Variants in ABCA12 observed in about 807,000 individuals in gnomAD.
The protein encoded by ABCA12 is ATP binding cassette subfamily A member 12.
A neutral mutation model predicts 293.5 loss-of-function variants in ABCA12; 156 were observed. That is an observed-to-expected ratio of 0.53 (90% CI 0.47 to 0.61). ABCA12 has a LOEUF of 0.61. Among genes scored for constraint, ABCA12 ranks in the 20% least tolerant of loss-of-function variants. The pLI is 0.00. For synonymous variants in ABCA12, 1,063 were observed against 1,108.0 expected (o/e 0.96, Z 0.81); for missense variants, 2,797 against 3,090.2 (o/e 0.91, Z 2.25).
At position 215,138,287 on chromosome 2, in the gene ABCA12, G is replaced by T; in HGVS notation, c.-79C>A. 1 of 1,474,694 alleles carries T rather than the reference G, an allele frequency of 6.8e-7. No homozygotes were observed. The highest frequency in any genetic ancestry group is 9.5e-7 in the Non-Finnish European group (1 of 1,053,396). The allele number at this position is 1,474,694 out of a possible 1,614,324, so 91.4% of individuals were successfully genotyped here. On this transcript the variant is annotated 5_prime_UTR_variant, in exon 1 of 53. Coordinates refer to ENST00000272895, the MANE Select transcript of ABCA12 (RefSeq NM_173076.3). ...GAAGAACTGATGCCCCGTCCAACTT[G>T]CTGTATGTCAGTGTATCAGTACCCC...
At chr2:214,943,096 G>T in intron 49 of ABCA12, 79 bp from the exon 50 acceptor site, 2 of 1,051,918 alleles carry the variant, frequency 1.9e-6, no homozygotes, top group Non-Finnish European at 2.9e-6. Context: ...AAGCATAATT[G>T]TTTCATTATG....
chr2:215,065,298 A>T (rs866115021), intron 2 of ABCA12, among the ~76,000 whole-genome samples: 84 of 4,042 alleles, frequency 0.021, no homozygotes, highest in Middle Eastern at 0.33. Flanking sequence ...ATGAATGTGT[A>T]AAAAAAAAAA....
chr2:215,066,485 G>A (rs746390146), intron 2 of ABCA12, among the ~76,000 whole-genome samples: 6 of 151,980 alleles, frequency 3.9e-5, no homozygotes, highest in Admixed American at 2.6e-4. Context: ...AAGAGCTTTC[G>A]GTGACATCCA....
chr2:214,947,271 A>T, intron 48 of ABCA12, 151 bp downstream of exon 48: 1 of 1,029,226 alleles, frequency 9.7e-7, no homozygotes, highest in Non-Finnish European at 1.5e-6. Flanking sequence ...CTTTATTGAG[A>T]TAGTATACAT....
intron 37 of ABCA12, 103 bp from the exon 38 acceptor site, chr2:214,968,910 A>T: frequency 1.1e-6 from 1 of 924,178 alleles, no homozygotes; most frequent in Non-Finnish European, 1.8e-6. Flanking sequence ...TTCTGTTAGG[A>T]ACACATTTAC....
intron 30 of ABCA12, 27 bp from the exon 31 acceptor site, chr2:214,980,670 G>A: frequency 6.2e-7 from 1 of 1,613,762 alleles, no homozygotes; most frequent in Non-Finnish European, 8.5e-7. Context: ...AGAACAACAG[G>A]GAATGAAACG....
At chr2:214,962,872 G>A (rs1352771407) in intron 39 of ABCA12, 1 of 152,096 alleles carries the variant, frequency 6.6e-6, no homozygotes, top group Admixed American at 6.5e-5. Context: ...TGAAACTAAT[G>A]AGAAAAAGAG....
chr2:214,960,081 C>A (rs1699072216), intron 39 of ABCA12, among the ~76,000 whole-genome samples: 1 of 152,074 alleles, frequency 6.6e-6, no homozygotes, highest in African/African-American at 2.4e-5. Context: ...ATTCTAAAGG[C>A]AGATTTTCTC....
intron 2 of ABCA12, among the ~76,000 whole-genome samples, chr2:215,088,160 T>C (rs1702077175): frequency 6.6e-6 from 1 of 152,190 alleles, no homozygotes; most frequent in South Asian, 2.1e-4. Flanking sequence ...GCAGAGAAAA[T>C]GGCATGTACA....
intron 9 of ABCA12, among the ~76,000 whole-genome samples, chr2:215,027,298 A>G (rs1700770626): frequency 6.6e-6 from 1 of 152,094 alleles, no homozygotes; most frequent in Non-Finnish European, 1.5e-5. Flanking sequence ...GTGAGTCGAG[A>G]TCGCGCCACT....
Position 214,932,218 on chromosome 2 carries a change from A to C in ABCA12, c.*416T>G, listed in dbSNP as rs938060518. 6 of 244,102 alleles carry C rather than the reference A, an allele frequency of 2.5e-5. No individual in the cohort carries two copies. The highest frequency in any genetic ancestry group is 4.8e-5 in the Non-Finnish European group (6 of 124,034). 15.1% of individuals were successfully genotyped at this position (244,102 alleles called of 1,614,324 possible). Reference sequence around the variant, plus strand: ...TCATTCTGTTGTTTTCTGGAAATAAATTATGTTGTCTGCTTGCCCGGTGGC... The same window carrying C: ...TCATTCTGTTGTTTTCTGGAAATAACTTATGTTGTCTGCTTGCCCGGTGGC... On this transcript the variant is annotated 3_prime_UTR_variant, in exon 53 of 53. Coordinates refer to ENST00000272895, the MANE Select transcript of ABCA12 (RefSeq NM_173076.3).
At chr2:214,948,949 TA>T in intron 46 of ABCA12, 90 bp downstream of exon 46, 1 of 1,298,364 alleles carries the variant, frequency 7.7e-7, no homozygotes, top group Non-Finnish European at 1.1e-6. Flanking sequence ...CTGAATAATA[TA>T]ACCACAAAAT....
intron 1 of ABCA12, among the ~76,000 whole-genome samples, chr2:215,114,852 T>G (rs1702653393): frequency 6.6e-6 from 1 of 152,234 alleles, no homozygotes; most frequent in Non-Finnish European, 1.5e-5. Flanking sequence ...AGTATTCATC[T>G]GAGTAGACTT....
At chr2:215,114,980 G>A (rs1400634317) in intron 1 of ABCA12, among the ~76,000 whole-genome samples, 2 of 152,110 alleles carry the variant, frequency 1.3e-5, no homozygotes, top group Non-Finnish European at 2.9e-5. Context: ...GGCATATATT[G>A]TATGGTATGT....
chr2:214,951,935 T>G (rs1254541108), intron 44 of ABCA12, among the ~76,000 whole-genome samples: 3 of 152,138 alleles, frequency 2.0e-5, no homozygotes, highest in Non-Finnish European at 4.4e-5. Flanking sequence ...ATATGAATAC[T>G]ATTGTTATTC....
chr2:215,075,572 A>T, intron 2 of ABCA12: 1 of 699,962 alleles, frequency 1.4e-6, no homozygotes, highest in Non-Finnish European at 2.6e-6. Context: ...AAAAAAAAAA[A>T]TCTGGGCCAT....
chr2:214,963,449 G>T (rs2105943509), intron 39 of ABCA12, among the ~76,000 whole-genome samples: 1 of 151,970 alleles, frequency 6.6e-6, no homozygotes, highest in African/African-American at 2.4e-5. Context: ...AAAGAGCCCA[G>T]GACCAGATGG....
At chr2:214,959,303 C>A (rs1699046538) in intron 39 of ABCA12, among the ~76,000 whole-genome samples, 1 of 151,888 alleles carries the variant, frequency 6.6e-6, no homozygotes, top group Admixed American at 6.6e-5. Context: ...GTGTTTAGAA[C>A]CTTTGGGAAG....
At chr2:215,048,468 G>C (rs1435503864) in intron 6 of ABCA12, among the ~76,000 whole-genome samples, 4 of 152,010 alleles carry the variant, frequency 2.6e-5, no homozygotes, top group Non-Finnish European at 4.4e-5. Flanking sequence ...GCCGAGGCAG[G>C]TGGGTCACTT....
Sources: gnomAD v4.1 joint callset for allele counts (sites outside exome capture counted in the v4.1 genomes callset) on GRCh38, gnomAD v4.1.1 for gene constraint, MANE v1.5 for transcripts, NCBI Gene and HGNC (gene_info 2026-07-23, HGNC 2026-07-21) for gene names.